Variants in STAG1 observed in about 807,000 individuals in gnomAD.
STAG1 encodes cohesin subunit SA-1.
In STAG1, 26 loss-of-function variants were observed where a neutral mutation model predicts 170.9. The observed-to-expected ratio is 0.15, with a 90% CI of 0.11 to 0.21. STAG1 has a LOEUF of 0.21. Among genes scored for constraint, STAG1 ranks in the 10% least tolerant of loss-of-function variants. STAG1 has a pLI of 1.00. For missense variants in STAG1, 964 were observed against 1,509.5 expected (o/e 0.64, Z 5.99); for synonymous variants, 514 against 497.7 (o/e 1.03, Z -0.44).
At chr3:136,473,726 A>G in intron 10 of STAG1, 89 bp from the exon 11 acceptor site, 1 of 917,314 alleles carries the variant, frequency 1.1e-6, no homozygotes, top group Non-Finnish European at 1.7e-6. Flanking sequence ...TTTAGCTTAA[A>G]CATTTGACTT....
At chr3:136,535,083 T>C (rs112930003) in intron 6 of STAG1, among the ~76,000 whole-genome samples, 7 of 152,310 alleles carry the variant, frequency 4.6e-5, no homozygotes, top group African/African-American at 1.4e-4. Flanking sequence ...ATTAAAGTCA[T>C]TTGCAACAGC....
At chr3:136,400,173 T>G (rs944715473) in intron 21 of STAG1, among the ~76,000 whole-genome samples, 1 of 152,152 alleles carries the variant, frequency 6.6e-6, no homozygotes, top group African/African-American at 2.4e-5. Context: ...TCCACCTGCC[T>G]TGGTGTCCCA....
intron 1 of STAG1, among the ~76,000 whole-genome samples, chr3:136,639,293 C>T (rs1576700737): frequency 6.6e-6 from 1 of 152,018 alleles, no homozygotes; most frequent in African/African-American, 2.4e-5. Flanking sequence ...CATGATTGGG[C>T]CACTACCTTC....
intron 1 of STAG1, among the ~76,000 whole-genome samples, chr3:136,740,000 A>T (rs1934576252): frequency 6.6e-6 from 1 of 152,218 alleles, no homozygotes; most frequent in Non-Finnish European, 1.5e-5. Flanking sequence ...TAAAGATTTC[A>T]CACAGATTCC....
intron 9 of STAG1, among the ~76,000 whole-genome samples, chr3:136,490,743 GA>G (rs532940300): frequency 2.4e-4 from 36 of 152,252 alleles, no homozygotes; most frequent in Admixed American, 9.8e-4. Flanking sequence ...CTGAAAATAT[GA>G]TTCTGAAATG....
At chr3:136,704,418 TA>T (rs1225971513) in intron 1 of STAG1, among the ~76,000 whole-genome samples, 2 of 152,002 alleles carry the variant, frequency 1.3e-5, no homozygotes, top group Non-Finnish European at 2.9e-5. Context: ...AAGACACATA[TA>T]ACTTAAAAGT....
intron 12 of STAG1, among the ~76,000 whole-genome samples, chr3:136,465,558 CAAAAAAAAAAA>C (rs11364802): frequency 1.5e-4 from 7 of 48,222 alleles, no homozygotes; most frequent in African/African-American, 2.0e-4. Flanking sequence ...ACTCTTGCCT[CAAAAAAAAAAA>C]AAAAAAAAAA....
chr3:136,536,011 A>G (rs534701366), intron 6 of STAG1, among the ~76,000 whole-genome samples: 3 of 152,348 alleles, frequency 2.0e-5, no homozygotes, highest in African/African-American at 4.8e-5. Context: ...AAACGGAAAG[A>G]TAAAAATTTT....
At chr3:136,525,277 G>A (rs1412902350) in intron 6 of STAG1, among the ~76,000 whole-genome samples, 1 of 152,180 alleles carries the variant, frequency 6.6e-6, no homozygotes, top group African/African-American at 2.4e-5. Context: ...TTCAGAACCT[G>A]TTATTGGTCT....
intron 3 of STAG1, chr3:136,609,410 GATAC>G (rs1939141343): frequency 6.8e-6 from 1 of 147,818 alleles, no homozygotes; most frequent in South Asian, 2.1e-4. Flanking sequence ...AATATTTATA[GATAC>G]ATATATATAT....
In STAG1 at chr3:136,502,697, G is replaced by A. The variant is rs113504457; in HGVS notation, c.759C>T (p.Ala253=). 8.7e-5 allele frequency: 140 copies of A among 1,613,516 alleles called. 1 individual carries two copies. The highest frequency in any genetic ancestry group is 3.9e-4 in the African/African-American group (29 of 74,914). Residue 253 remains alanine (A), a synonymous_variant, in exon 8 of 34, where the codon GCC becomes GCT. Transcript: ENST00000383202. ...TCTTCCCAATCATTTTATTTCTCTCGGCTTCATATTGTCTCTGGGTATTAT... is the reference window on the plus strand; with the variant it reads ...TCTTCCCAATCATTTTATTTCTCTCAGCTTCATATTGTCTCTGGGTATTAT... The part of the protein sequence containing the change: ...HQDNTQRQYE[A]ERNKMIGKRA...
chr3:136,615,497 G>A (rs1264509227), intron 3 of STAG1, among the ~76,000 whole-genome samples: 3 of 147,254 alleles, frequency 2.0e-5, no homozygotes, highest in East Asian at 2.1e-4. Flanking sequence ...AAACATATTC[G>A]TGGCCGGTCG....
chr3:136,713,387 A>C (rs1430018670), intron 1 of STAG1, among the ~76,000 whole-genome samples: 2 of 151,792 alleles, frequency 1.3e-5, no homozygotes, highest in African/African-American at 4.8e-5. Context: ...GTTCAAGACC[A>C]GTCTAACCAA....
intron 1 of STAG1, among the ~76,000 whole-genome samples, chr3:136,691,767 A>C (rs955670935): frequency 1.3e-5 from 2 of 152,194 alleles, no homozygotes; most frequent in Non-Finnish European, 2.9e-5. Context: ...TAGATGTTTT[A>C]ATAAATCAAC....
chr3:136,625,037 T>G (rs766221718), intron 2 of STAG1, among the ~76,000 whole-genome samples: 2 of 152,198 alleles, frequency 1.3e-5, no homozygotes, highest in African/African-American at 2.4e-5. Context: ...CTTGCAAAAT[T>G]CCTAAAAATT....
At chr3:136,391,444 T>C (rs2087009173) in intron 22 of STAG1, among the ~76,000 whole-genome samples, 1 of 151,250 alleles carries the variant, frequency 6.6e-6, no homozygotes, top group South Asian at 2.1e-4. Context: ...TGGCATAATC[T>C]TGGCTCACTG....
At chr3:136,575,327 C>T (rs1441504271) in intron 4 of STAG1, among the ~76,000 whole-genome samples, 2 of 152,162 alleles carry the variant, frequency 1.3e-5, no homozygotes, top group Non-Finnish European at 1.5e-5. Flanking sequence ...CAGGCTCAAG[C>T]TATCCTTCCA....
chr3:136,600,998 C>A (rs567488931), intron 4 of STAG1, among the ~76,000 whole-genome samples: 1 of 152,108 alleles, frequency 6.6e-6, no homozygotes, highest in Admixed American at 6.6e-5. Flanking sequence ...TCAAGCAGCT[C>A]TCCTTGAAAT....
chr3:136,362,311 C>T (rs1576390216), intron 26 of STAG1, among the ~76,000 whole-genome samples: 1 of 152,036 alleles, frequency 6.6e-6, no homozygotes, highest in East Asian at 1.9e-4. Context: ...TGGAAAAGTG[C>T]CTTTTTCATA....
Sources: allele counts gnomAD v4.1 joint callset (sites outside exome capture counted in the v4.1 genomes callset), GRCh38; gene constraint gnomAD v4.1.1; transcripts MANE v1.5; gene names NCBI Gene and HGNC (gene_info 2026-07-23, HGNC 2026-07-21).